Variants in ADGRF5 observed in about 807,000 individuals in gnomAD.
The protein encoded by ADGRF5 is adhesion G protein-coupled receptor F5, also known as G-protein coupled receptor 116.
A neutral mutation model predicts 132.3 loss-of-function variants in ADGRF5; 75 were observed. That is an observed-to-expected ratio of 0.57 (90% CI 0.47 to 0.69). The LOEUF is 0.69. Among genes scored for constraint, ADGRF5 ranks in the 30% least tolerant of loss-of-function variants. The pLI, the probability that ADGRF5 is intolerant of heterozygous loss-of-function variation, is 0.00. For synonymous variants in ADGRF5, 629 were observed against 597.6 expected (o/e 1.05, Z -0.77); for missense variants, 1,516 against 1,630.6 (o/e 0.93, Z 1.21).
intron 1 of ADGRF5, among the ~76,000 whole-genome samples, chr6:46,945,544 A>G (rs1363742052): frequency 6.6e-6 from 1 of 152,242 alleles, no homozygotes. Flanking sequence ...AGTGCATGTG[A>G]ACAATTACTG....
intron 19 of ADGRF5, among the ~76,000 whole-genome samples, chr6:46,856,302 T>A (rs1769038276): frequency 6.6e-6 from 1 of 152,254 alleles, no homozygotes; most frequent in African/African-American, 2.4e-5. Flanking sequence ...CAGTCAGATA[T>A]ATCCAAGGGC....
intron 1 of ADGRF5, among the ~76,000 whole-genome samples, chr6:46,920,191 G>A (rs573238737): frequency 8.5e-5 from 13 of 152,180 alleles, no homozygotes; most frequent in African/African-American, 2.9e-4. Context: ...TGCCCTTCAA[G>A]GGAAAAGCCC....
chr6:46,946,666 A>G (rs751221315), intron 1 of ADGRF5, among the ~76,000 whole-genome samples: 109 of 152,194 alleles, frequency 7.2e-4, no homozygotes, highest in Non-Finnish European at 1.3e-3. Context: ...CTCTGGAGGC[A>G]GGGAAGGGTC....
At chr6:46,930,766 C>T (rs1777518448) in intron 1 of ADGRF5, among the ~76,000 whole-genome samples, 1 of 152,148 alleles carries the variant, frequency 6.6e-6, no homozygotes, top group Non-Finnish European at 1.5e-5. Context: ...TTAAATGAAA[C>T]ATTTGGCTGG....
At chr6:46,924,911 A>G (rs1364025669), upstream of ADGRF5, among the ~76,000 whole-genome samples, 1 of 152,176 alleles carries the variant, frequency 6.6e-6, no homozygotes, top group African/African-American at 2.4e-5. Flanking sequence ...TTCTGCTGCT[A>G]TCATTCTCAT....
In ADGRF5 at chr6:46,859,817, CTATTT is replaced by C. The variant is rs55664341; in HGVS notation, c.2380-299_2380-295del. ...TTCAGCAGGCTGGCAGGGATATTTA[CTATTT>C]TATTTTATTTTATTTTATTTTATTT... On this transcript the variant is annotated intron_variant, in intron 16 of 20. Transcript: ENST00000283296. 8.6e-3 allele frequency among the ~76,000 whole-genome samples: 1,250 copies of C among 146,170 alleles called. 14 individuals carry two copies. Among genetic ancestry groups the C allele is most frequent in the African/African-American group, 0.028 (1,097 of 39,258 alleles).
chr6:46,926,408 C>A (rs560432850), upstream of ADGRF5, among the ~76,000 whole-genome samples: 13 of 152,216 alleles, frequency 8.5e-5, no homozygotes, highest in East Asian at 2.5e-3. Context: ...CAAGTAGGAC[C>A]CTTTTCTGGA....
intron 14 of ADGRF5, among the ~76,000 whole-genome samples, chr6:46,864,265 C>T (rs990698828): frequency 1.3e-5 from 2 of 152,124 alleles, no homozygotes; most frequent in African/African-American, 2.4e-5. Context: ...TGAACTTTCA[C>T]CTCAAAGATA....
rs766346270 is a variant in ADGRF5, at chr6:46,879,886, G to T, written c.968C>A (p.Thr323Asn). The part of the protein sequence containing the change: ...IQNSSRFSIY[T>N]ALFNNMTSVS... ...CGAAGTCATGTTGTTGAAAAGTGCG[G>T]TGTAAATCGAGAATCTGCTGCTGTT... is the stretch of plus-strand genomic sequence containing the variant. The change falls in exon 9 of 21, where the codon ACC (threonine) becomes AAC (asparagine). Residue 323 changes from threonine (T) to asparagine (N), a missense_variant. Thr to Asn is a moderately conservative substitution (Grantham distance 65). Transcript: ENST00000283296. 36 of 1,614,012 alleles carry T rather than the reference G, an allele frequency of 2.2e-5. 1 individual carries two copies. The South Asian group carries it at 3.8e-4, about 17-fold the overall frequency.
chr6:46,915,297 A>G (rs1776332539), intron 1 of ADGRF5, among the ~76,000 whole-genome samples: 1 of 151,682 alleles, frequency 6.6e-6, no homozygotes, highest in African/African-American at 2.4e-5. Context: ...TTTAATAATA[A>G]TAATAATAAT....
At chr6:46,938,551 A>C (rs1310421982) in intron 1 of ADGRF5, among the ~76,000 whole-genome samples, 1 of 152,150 alleles carries the variant, frequency 6.6e-6, no homozygotes, top group African/African-American at 2.4e-5. Context: ...ATCCCACCAG[A>C]TGAAGGAGCA....
intron 1 of ADGRF5, among the ~76,000 whole-genome samples, chr6:46,935,836 A>C (rs1777793339): frequency 6.6e-6 from 1 of 152,168 alleles, no homozygotes; most frequent in African/African-American, 2.4e-5. Context: ...GCTGACCTGG[A>C]GTGAGAAGGA....
At chr6:46,935,181 C>A (rs1037196472) in intron 1 of ADGRF5, among the ~76,000 whole-genome samples, 1 of 151,458 alleles carries the variant, frequency 6.6e-6, no homozygotes, top group Non-Finnish European at 1.5e-5. Context: ...TTTTTTGTAT[C>A]TTTAGTAGAG....
Position 46,943,974 on chromosome 6 carries a change from G to A in ADGRF5, c.-25+10760C>T, listed in dbSNP as rs199735831. ...TAACCTACCCAGAGAAATACAGGGAGGGACCCTTCTGCCACCAGTGTAAAC... is the reference window on the plus strand; with the variant it reads ...TAACCTACCCAGAGAAATACAGGGAAGGACCCTTCTGCCACCAGTGTAAAC... On this transcript the variant is annotated intron_variant, in intron 1 of 20. Coordinates refer to the ADGRF5 transcript ENST00000265417. Among the ~76,000 whole-genome samples the A allele has an allele frequency of 7.2e-5, 11 of 152,294 alleles. No individual in the cohort carries two copies. The East Asian group carries it at 1.9e-3, about 27-fold the overall frequency.
intron 1 of ADGRF5, among the ~76,000 whole-genome samples, chr6:46,939,304 T>C (rs1004544421): frequency 3.3e-5 from 5 of 152,108 alleles, no homozygotes; most frequent in African/African-American, 1.2e-4. Flanking sequence ...GGTATCTGGA[T>C]TGGGGACAGG....
rs778142912 is a variant in ADGRF5 at position 46,859,536 on chromosome 6, TGGTATGG to T, written c.2380-20_2380-14del. The T allele has an allele frequency of 6.5e-7, 1 of 1,547,742 alleles. No individual in the cohort carries two copies. Among genetic ancestry groups the T allele is most frequent in the African/African-American group, 1.4e-5 (1 of 73,132 alleles). Reference sequence around the variant, plus strand: ...TAGAGAGCACGTGCTGAAAGTGAAATGGTATGGGGTCAAACTAACCAAATTCTTTCAA... The same window carrying T: ...TAGAGAGCACGTGCTGAAAGTGAAATGGTCAAACTAACCAAATTCTTTCAA... On this transcript the variant is annotated splice_polypyrimidine_tract_variant and intron_variant, in intron 16 of 20. Coordinates refer to ENST00000283296, the MANE Select transcript of ADGRF5 (RefSeq NM_001098518.2).
intron 1 of ADGRF5, among the ~76,000 whole-genome samples, chr6:46,916,558 A>C (rs1776432232): frequency 6.6e-6 from 1 of 152,154 alleles, no homozygotes; most frequent in South Asian, 2.1e-4. Flanking sequence ...ACATTGGGCC[A>C]CTACATTGGT....
chr6:46,946,453 T>C (rs944004211), intron 1 of ADGRF5, among the ~76,000 whole-genome samples: 3 of 152,192 alleles, frequency 2.0e-5, no homozygotes, highest in African/African-American at 7.2e-5. Context: ...TGAATCGCCA[T>C]AATCCTTTCA....
chr6:46,913,266 G>GA (rs1182865652), intron 1 of ADGRF5, among the ~76,000 whole-genome samples: 2 of 151,868 alleles, frequency 1.3e-5, no homozygotes, highest in African/African-American at 4.9e-5. Context: ...GGAAGGCCAA[G>GA]GGGGGCGGAT....
Sources: allele counts gnomAD v4.1 joint callset (sites outside exome capture counted in the v4.1 genomes callset), GRCh38; gene constraint gnomAD v4.1.1; transcripts MANE v1.5; gene names NCBI Gene and HGNC (gene_info 2026-07-23, HGNC 2026-07-21).